Variants in PLCXD3 observed in about 807,000 individuals in gnomAD.
PLCXD3 encodes the protein phosphatidylinositol specific phospholipase C X domain containing 3, also known as PI-PLC X domain-containing protein 3.
A neutral mutation model predicts 25.5 loss-of-function variants in PLCXD3; 19 were observed. That is an observed-to-expected ratio of 0.75 (90% CI 0.52 to 1.09). PLCXD3 has a LOEUF of 1.09. Among genes scored for constraint, PLCXD3 ranks in the 50% least tolerant of loss-of-function variants. PLCXD3 has a pLI of 0.00. For missense variants in PLCXD3, 411 were observed against 388.1 expected, an observed-to-expected ratio of 1.06 and a Z score of -0.50; for synonymous variants, 174 against 137.6, an observed-to-expected ratio of 1.26 and a Z score of -1.85.
intron 1 of PLCXD3, among the ~76,000 whole-genome samples, chr5:41,406,781 AC>A (rs1746364571): frequency 6.6e-6 from 1 of 152,016 alleles, no homozygotes; most frequent in Non-Finnish European, 1.5e-5. Flanking sequence ...TATGGTCATT[AC>A]CCTGCCTCAG....
chr5:41,451,348 G>T (rs1179046666), intron 1 of PLCXD3, among the ~76,000 whole-genome samples: 2 of 151,948 alleles, frequency 1.3e-5, no homozygotes, highest in Non-Finnish European at 2.9e-5. Flanking sequence ...GGTATTTGAG[G>T]AATATTTTAA....
At chr5:41,480,907 C>A (rs1480090271) in intron 1 of PLCXD3, among the ~76,000 whole-genome samples, 1 of 151,734 alleles carries the variant, frequency 6.6e-6, no homozygotes, top group Non-Finnish European at 1.5e-5. Flanking sequence ...AAGACTCCAT[C>A]TCAAAATAAA....
intron 2 of PLCXD3, among the ~76,000 whole-genome samples, chr5:41,368,853 A>T (rs1284405177): frequency 6.6e-6 from 1 of 152,130 alleles, no homozygotes; most frequent in African/African-American, 2.4e-5. Flanking sequence ...ACAGCTGACC[A>T]CCCTTTGCTA....
intron 1 of PLCXD3, among the ~76,000 whole-genome samples, chr5:41,418,601 A>G (rs1264235907): frequency 6.6e-6 from 1 of 152,204 alleles, no homozygotes; most frequent in Non-Finnish European, 1.5e-5. Context: ...TTAAAACTGA[A>G]TGGTATGTAA....
chr5:41,385,006 T>G (rs1437842430), intron 1 of PLCXD3, among the ~76,000 whole-genome samples: 1 of 152,106 alleles, frequency 6.6e-6, no homozygotes, highest in Non-Finnish European at 1.5e-5. Flanking sequence ...TTGTAAGAAA[T>G]ATATAATATA....
Position 41,429,574 on chromosome 5 carries a change from TG to T in PLCXD3, c.104-47041del, listed in dbSNP as rs149482361. Among the ~76,000 whole-genome samples, 511 of 152,294 alleles carry T rather than the reference TG, an allele frequency of 3.4e-3. 3 individuals are homozygous for T. The highest frequency in any genetic ancestry group is 0.012 in the African/African-American group (496 of 41,568). On this transcript the variant is annotated intron_variant, in intron 1 of 2. Coordinates refer to ENST00000377801, the MANE Select transcript of PLCXD3 (RefSeq NM_001005473.3). ...TGGGATTTCTACGTCACTGAATTCATGTTCAAAATCATCTTGAATGTGGATA... is the reference window on the plus strand; with the variant it reads ...TGGGATTTCTACGTCACTGAATTCATTTCAAAATCATCTTGAATGTGGATA...
rs1398672908 is a variant in PLCXD3, at chr5:41,428,132, A to G, written c.104-45598T>C. On this transcript the variant is annotated intron_variant, in intron 1 of 2. Transcript: ENST00000377801. ...TCTCTCTCCCCACACCTTGTACCCC[A>G]ACTATCATGGCATAAATGAAAGCCA... 2.6e-5 allele frequency among the ~76,000 whole-genome samples: 4 copies of G among 152,192 alleles called. No individual in the cohort carries two copies. In the East Asian group the frequency reaches 7.7e-4, roughly 29 times the overall value.
chr5:41,463,956 G>T (rs1747952068), intron 1 of PLCXD3, among the ~76,000 whole-genome samples: 1 of 151,886 alleles, frequency 6.6e-6, no homozygotes, highest in African/African-American at 2.4e-5. Flanking sequence ...ACTTTTTAAT[G>T]TAAATATTAT....
chr5:41,383,669 T>C (rs1745550468), intron 1 of PLCXD3, among the ~76,000 whole-genome samples: 1 of 152,058 alleles, frequency 6.6e-6, no homozygotes, highest in Non-Finnish European at 1.5e-5. Flanking sequence ...TATCTGATAC[T>C]CAGGCTTCCT....
chr5:41,446,193 A>AAAAAAAAAAAAAAAAAAAAAAAAAC, intron 1 of PLCXD3, among the ~76,000 whole-genome samples: 1 of 148,712 alleles, frequency 6.7e-6, no homozygotes, highest in Admixed American at 6.7e-5. Context: ...AAAAAAAAAA[A>AAAAAAAAAAAAAAAAAAAAAAAAAC]AAAAAAAAGA....
chr5:41,398,903 G>A (rs1480049744), intron 1 of PLCXD3, among the ~76,000 whole-genome samples: 2 of 152,126 alleles, frequency 1.3e-5, no homozygotes, highest in African/African-American at 2.4e-5. Flanking sequence ...AATTGAAAAG[G>A]AAGCCAAATT....
At chr5:41,339,493 G>A (rs555950928) in intron 2 of PLCXD3, among the ~76,000 whole-genome samples, 1 of 151,910 alleles carries the variant, frequency 6.6e-6, no homozygotes, top group African/African-American at 2.4e-5. Flanking sequence ...TATGTGAATA[G>A]TTGGTCATGT....
At chr5:41,386,068 T>C (rs1006628444) in intron 1 of PLCXD3, among the ~76,000 whole-genome samples, 2 of 152,098 alleles carry the variant, frequency 1.3e-5, no homozygotes, top group Non-Finnish European at 2.9e-5. Flanking sequence ...TATACAGCAA[T>C]AGTTAACTAA....
At chr5:41,485,561 C>T (rs1226084291) in intron 1 of PLCXD3, among the ~76,000 whole-genome samples, 1 of 152,112 alleles carries the variant, frequency 6.6e-6, no homozygotes, top group Non-Finnish European at 1.5e-5. Flanking sequence ...CCTGCACAAT[C>T]CCAATCCTTC....
chr5:41,492,607 C>T (rs1173431955), intron 1 of PLCXD3, among the ~76,000 whole-genome samples: 3 of 152,202 alleles, frequency 2.0e-5, no homozygotes, highest in African/African-American at 4.8e-5. Context: ...CACATAGTCC[C>T]ATATTTCTTG....
rs373244601 is a variant in PLCXD3 at position 41,428,374 on chromosome 5, G to GTTTTTT, written c.104-45846_104-45841dup. ...TAAAGAGGTGATTAAGTTAAAATGA[G>GTTTTTT]TTTTTTTGTTTTTGTTTTTGTTTTT... On this transcript the variant is annotated intron_variant, in intron 1 of 2. Transcript: ENST00000377801. Among the ~76,000 whole-genome samples the GTTTTTT allele has an allele frequency of 1.4e-4, 13 of 91,600 alleles. 1 individual carries two copies. The highest frequency in any genetic ancestry group is 3.9e-4 in the South Asian group (1 of 2,596). 60.1% of individuals were successfully genotyped at this position (91,600 alleles called of 152,430 possible).
chr5:41,322,229 A>G (rs1013581051), intron 2 of PLCXD3, among the ~76,000 whole-genome samples: 1 of 152,256 alleles, frequency 6.6e-6, no homozygotes. Context: ...GAACAACTTT[A>G]TAGGAAAAAA....
intron 2 of PLCXD3, among the ~76,000 whole-genome samples, chr5:41,367,330 T>C (rs546463732): frequency 6.6e-6 from 1 of 152,334 alleles, no homozygotes; most frequent in South Asian, 2.1e-4. Flanking sequence ...ATAATCGCCA[T>C]TCTGACTGGC....
chr5:41,315,657 T>C (rs544211239), intron 2 of PLCXD3, among the ~76,000 whole-genome samples: 52 of 152,056 alleles, frequency 3.4e-4, no homozygotes, highest in African/African-American at 1.2e-3. Context: ...ACAGAAGAAA[T>C]AGAAAAAGCA....
Sources: gnomAD v4.1 joint callset for allele counts (sites outside exome capture counted in the v4.1 genomes callset) on GRCh38, gnomAD v4.1.1 for gene constraint, MANE v1.5 for transcripts, NCBI Gene and HGNC (gene_info 2026-07-23, HGNC 2026-07-21) for gene names.